Variants in TG observed in about 807,000 individuals in gnomAD.
The protein encoded by TG is thyroglobulin, also known as thyroid hormones.
A neutral mutation model predicts 324.7 loss-of-function variants in TG; 270 were observed. That is an observed-to-expected ratio of 0.83 (90% CI 0.75 to 0.92). The LOEUF (loss-of-function observed/expected upper bound fraction) is 0.92. TG is among the 40% of genes least tolerant of loss of function. The probability of loss-of-function intolerance (pLI) is 0.00; values close to 1 mark genes in which losing one functional copy is unlikely to be tolerated. For synonymous variants in TG, 1,401 were observed against 1,327.0 expected (o/e 1.06, Z -1.21); for missense variants, 3,591 against 3,456.4 (o/e 1.04, Z -0.98).
intron 41 of TG, among the ~76,000 whole-genome samples, chr8:133,089,740 G>T (rs17630799): frequency 0.18 from 26,771 of 152,058 alleles, 2,864 homozygotes; most frequent in Non-Finnish European, 0.24. Flanking sequence ...CTGTCCTGGG[G>T]CTGTCGGATT....
chr8:133,131,181 T>A (rs543729654), intron 45 of TG, among the ~76,000 whole-genome samples: 53 of 152,360 alleles, frequency 3.5e-4, no homozygotes, highest in Non-Finnish European at 6.0e-4. Context: ...CCATGGCCCA[T>A]GTACCAGGCT....
intron 26 of TG, among the ~76,000 whole-genome samples, chr8:132,943,832 T>G (rs890122488): frequency 3.3e-5 from 5 of 152,174 alleles, no homozygotes; most frequent in African/African-American, 1.2e-4. Flanking sequence ...TTTCCTGCTG[T>G]CCAGTTATTT....
At position 132,901,439 on chromosome 8, in the gene TG, G is replaced by A. The variant is rs1455169249; in HGVS notation, c.3520G>A (p.Gly1174Arg). The A allele has an allele frequency of 6.2e-7, 1 of 1,614,114 alleles. No individual in the cohort carries two copies. Among genetic ancestry groups the A allele is most frequent in the Admixed American group, 1.7e-5 (1 of 60,008 alleles). The part of the protein sequence containing the change: ...GYVPACRAED[G>R]GFSPVQCDQA... ...TGTCCCAGCCTGCAGGGCAGAGGAT[G>A]GGGGCTTTTCCCCAGTGCAATGTGA... Residue 1174 changes from glycine (G) to arginine (R), a missense_variant, in exon 16 of 48, where the codon GGG becomes AGG. By Grantham distance (125) the Gly-to-Arg change is moderately radical. Transcript: ENST00000220616.
intron 41 of TG, among the ~76,000 whole-genome samples, chr8:133,086,656 T>C (rs1588048156): frequency 2.0e-5 from 3 of 152,218 alleles, no homozygotes; most frequent in Admixed American, 2.0e-4. Flanking sequence ...GTATTGTCTG[T>C]AACATCATAA....
In TG at chr8:133,011,995, C is replaced by T; in HGVS notation, c.6357C>T (p.Ala2119=). The stretch of plus-strand genomic sequence containing the variant: ...ATGTTGCCCATGTCAGCACTGCTGC[C>T]ACCAGCAATTTCTCTGCTGTCCGAG... ...HFDVAHVSTA[A]TSNFSAVRDL... is the part of the protein sequence containing the mutation. Residue 2119 remains alanine, a synonymous_variant, in exon 36 of 48, where the codon GCC becomes GCT. Coordinates refer to ENST00000220616, the MANE Select transcript of TG (RefSeq NM_003235.5). 1.2e-6 allele frequency: 2 copies of T among 1,614,202 alleles called. No individual in the cohort carries two copies. Among genetic ancestry groups the T allele is most frequent in the East Asian group, 2.2e-5 (1 of 44,890 alleles).
intron 34 of TG, among the ~76,000 whole-genome samples, chr8:132,978,344 A>T (rs910883086): frequency 2.0e-5 from 3 of 152,168 alleles, no homozygotes; most frequent in Non-Finnish European, 4.4e-5. Context: ...TTCATGATGG[A>T]TCCATCCCCA....
intron 41 of TG, among the ~76,000 whole-genome samples, chr8:133,090,471 C>T (rs554860387): frequency 2.0e-5 from 3 of 152,318 alleles, no homozygotes; most frequent in Admixed American, 6.5e-5. Context: ...CACAGGGAAG[C>T]GAAGCAAGTT....
intron 41 of TG, among the ~76,000 whole-genome samples, chr8:133,093,058 T>C (rs1318413138): frequency 6.6e-6 from 1 of 152,210 alleles, no homozygotes; most frequent in East Asian, 1.9e-4. Context: ...TGGGCCCTTC[T>C]GCTGTTTGCT....
chr8:132,956,162 A>T (rs973782761), intron 27 of TG, among the ~76,000 whole-genome samples: 3 of 152,212 alleles, frequency 2.0e-5, no homozygotes, highest in Admixed American at 1.3e-4. Context: ...AAGGGTCAGA[A>T]GTCTGTTTAG....
At position 133,096,280 on chromosome 8, in the gene TG, C is replaced by T; in HGVS notation, c.7479C>T (p.Ala2493=). The T allele has an allele frequency of 6.2e-7, 1 of 1,614,238 alleles. No homozygotes were observed. Among genetic ancestry groups the T allele is most frequent in the Non-Finnish European group, 8.5e-7 (1 of 1,180,044 alleles). ...GCCACTTCCTCCGTGAGCCTCCAGC[C>T]AGAGCACTGAAGAGGTCTTTATGGG... is the stretch of plus-strand genomic sequence containing the variant. ...IDGHFLREPP[A]RALKRSLWVE... Residue 2493 remains alanine, a synonymous_variant, in exon 43 of 48, where the codon GCC becomes GCT. Transcript: ENST00000220616.
chr8:133,100,120 G>T (rs1037988166), intron 43 of TG, among the ~76,000 whole-genome samples: 1 of 152,156 alleles, frequency 6.6e-6, no homozygotes, highest in Non-Finnish European at 1.5e-5. Context: ...TGGCTCACTG[G>T]TTTATCCCTT....
chr8:132,983,334 G>C lies in TG; in HGVS notation c.6200-16G>C. On this transcript the variant is annotated splice_polypyrimidine_tract_variant and intron_variant, in intron 34 of 47. Coordinates refer to ENST00000220616, the MANE Select transcript of TG (RefSeq NM_003235.5). ...GGGGGTAGAAAAGAACTGAAAGACT[G>C]CTTTTTCCTTTTCAGTTGCTCAAAA... is the stretch of plus-strand genomic sequence containing the variant. 1 of 1,613,888 alleles carries C rather than the reference G, an allele frequency of 6.2e-7. No individual in the cohort carries two copies. The highest frequency in any genetic ancestry group is 1.1e-5 in the South Asian group (1 of 91,072).
chr8:133,053,071 G>C (rs1326992039), intron 41 of TG, among the ~76,000 whole-genome samples: 1 of 152,158 alleles, frequency 6.6e-6, no homozygotes, highest in Non-Finnish European at 1.5e-5. Context: ...GGTTCTCAGA[G>C]CCTCCGGATA....
At chr8:133,089,269 C>G (rs1231293561) in intron 41 of TG, among the ~76,000 whole-genome samples, 1 of 152,202 alleles carries the variant, frequency 6.6e-6, no homozygotes, top group Non-Finnish European at 1.5e-5. Flanking sequence ...GTGTTCCACA[C>G]CTTGTGCTGG....
chr8:133,122,653 T>C lies in TG; in HGVS notation c.7862+5937T>C, dbSNP rs374237840. ...GCAGAGAGTAACAGGTCCTGTTCCA[T>C]AGGGCTGTGGGAGGGTTTGGGGGAC... On this transcript the variant is annotated intron_variant, in intron 45 of 47. Coordinates refer to ENST00000220616, the MANE Select transcript of TG (RefSeq NM_003235.5). 1.4e-4 allele frequency among the ~76,000 whole-genome samples: 22 copies of C among 152,320 alleles called. No homozygotes were observed. The East Asian group carries it at 3.1e-3, about 21-fold the overall frequency.
At chr8:133,054,748 A>G (rs1307222801) in intron 41 of TG, among the ~76,000 whole-genome samples, 1 of 152,240 alleles carries the variant, frequency 6.6e-6, no homozygotes, top group Non-Finnish European at 1.5e-5. Context: ...TCAACTTAAG[A>G]ATGAGTCAAG....
chr8:133,045,191 C>T, intron 41 of TG: 2 of 1,547,700 alleles, frequency 1.3e-6, no homozygotes, highest in Non-Finnish European at 8.9e-7. Context: ...AGCCCACCAC[C>T]ACTGAGGCAG....
chr8:133,040,354 A>G (rs1837986772), intron 41 of TG: 3 of 538,698 alleles, frequency 5.6e-6, no homozygotes, highest in Admixed American at 3.2e-5. Context: ...TTAGCCAGGC[A>G]TGGGCAGAGA....
At chr8:133,128,680 C>A (rs1375170564) in intron 45 of TG, among the ~76,000 whole-genome samples, 1 of 152,162 alleles carries the variant, frequency 6.6e-6, no homozygotes, top group Non-Finnish European at 1.5e-5. Context: ...TCTGCCTTTC[C>A]ATGTGACAAG....
Sources: gnomAD v4.1 joint callset for allele counts (sites outside exome capture counted in the v4.1 genomes callset) on GRCh38, gnomAD v4.1.1 for gene constraint, MANE v1.5 for transcripts, NCBI Gene and HGNC (gene_info 2026-07-23, HGNC 2026-07-21) for gene names.